ATP5PD: variants seen among roughly 807,000 people sequenced by gnomAD.
ATP5PD encodes ATP synthase peripheral stalk subunit d, also known as ATP synthase peripheral stalk subunit d, mitochondrial.
ATP5PD carries 13 observed loss-of-function variants against 22.6 expected under a neutral mutation model. The observed-to-expected ratio is 0.58, with a 90% CI of 0.37 to 0.91. The LOEUF (loss-of-function observed/expected upper bound fraction) is 0.91. Among genes scored for constraint, ATP5PD ranks in the 40% least tolerant of loss-of-function variants. The pLI, the probability that ATP5PD is intolerant of heterozygous loss-of-function variation, is 0.00. For missense variants in ATP5PD, 165 were observed against 188.0 expected (o/e 0.88, Z 0.72); for synonymous variants, 51 against 65.0 (o/e 0.79, Z 1.03).
At chr17:75,044,426 C>T (rs1218031368) in intron 1 of ATP5PD, among the ~76,000 whole-genome samples, 2 of 113,782 alleles carry the variant, frequency 1.8e-5, no homozygotes, top group Non-Finnish European at 3.1e-5. Context: ...AGGATGGTCT[C>T]GATCTCCTGA....
chr17:75,044,721 CAG>C (rs1284560271), intron 1 of ATP5PD, among the ~76,000 whole-genome samples: 2 of 152,092 alleles, frequency 1.3e-5, no homozygotes, highest in African/African-American at 4.8e-5. Flanking sequence ...AAAAAAAAGT[CAG>C]AATATAGGAA....
chr17:75,044,799 A>G (rs1361279974), intron 1 of ATP5PD, among the ~76,000 whole-genome samples: 2 of 152,246 alleles, frequency 1.3e-5, no homozygotes, highest in Admixed American at 1.3e-4. Flanking sequence ...AATCTCTATA[A>G]GCTTGGAGTG....
intron 4 of ATP5PD, 178 bp from the exon 5 acceptor site, chr17:75,039,449 A>C: frequency 1.7e-6 from 1 of 593,720 alleles, no homozygotes. Flanking sequence ...CTTAACACTC[A>C]CAGAGAAGCC....
intron 4 of ATP5PD, 116 bp from the exon 5 acceptor site, chr17:75,039,387 T>C (rs2144908463): frequency 1.1e-6 from 1 of 924,348 alleles, no homozygotes; most frequent in South Asian, 1.4e-5. Flanking sequence ...ATGGAGAAAC[T>C]GTGGTTACCC....
At chr17:75,041,944 C>A in intron 3 of ATP5PD, 1 of 437,608 alleles carries the variant, frequency 2.3e-6, no homozygotes, top group Non-Finnish European at 4.1e-6. Context: ...AACTCCTGTG[C>A]TGATCAGAAA....
chr17:75,040,339 T>C (rs1362110160), intron 3 of ATP5PD, 176 bp from the exon 4 acceptor site: 2 of 669,816 alleles, frequency 3.0e-6, no homozygotes, highest in Non-Finnish European at 2.6e-6. Flanking sequence ...AATACTGGAG[T>C]AGAAAGAATA....
chr17:75,046,635 T>G (rs918898784), intron 1 of ATP5PD, among the ~76,000 whole-genome samples: 6 of 152,220 alleles, frequency 3.9e-5, no homozygotes, highest in African/African-American at 1.4e-4. Flanking sequence ...ACCAAACTAT[T>G]GAAGTCTGCC....
At chr17:75,045,290 C>T (rs1469703133) in intron 1 of ATP5PD, among the ~76,000 whole-genome samples, 3 of 152,180 alleles carry the variant, frequency 2.0e-5, no homozygotes, top group Admixed American at 1.3e-4. Context: ...ATCACAAGAC[C>T]ACAGGACCAG....
chr17:75,040,279 G>A (rs1194895744), intron 3 of ATP5PD, 116 bp from the exon 4 acceptor site: 14 of 1,206,962 alleles, frequency 1.2e-5, no homozygotes, highest in Non-Finnish European at 1.5e-5. Flanking sequence ...ATCCTTAAAG[G>A]TCATACTGAA....
chr17:75,042,909 T>C (rs1479774862), intron 1 of ATP5PD, among the ~76,000 whole-genome samples: 1 of 151,990 alleles, frequency 6.6e-6, no homozygotes, highest in Non-Finnish European at 1.5e-5. Context: ...ACAGTGTAGC[T>C]TTTCAAATTC....
At position 75,039,265 on chromosome 17, in the gene ATP5PD, A is replaced by G; in HGVS notation, c.298T>C (p.Ser100Pro). The G allele has an allele frequency of 6.2e-7, 1 of 1,614,094 alleles. No homozygotes were observed. The highest frequency in any genetic ancestry group is 8.5e-7 in the Non-Finnish European group (1 of 1,180,016). The stretch of plus-strand genomic sequence containing the variant: ...GAGAGAGACACCCACTCAGCACAAG[A>G]TTTCACCTTTAAGAAGAAAGAGAAA... ...VDAEEKEDVK[S>P]CAEWVSLSKA... The change falls in exon 5 of 6, where the codon TCT (serine) becomes CCT (proline). Residue 100 changes from serine to proline, a missense_variant. Physicochemically the swap from Ser to Pro is moderately conservative, Grantham distance 74. Transcript: ENST00000301587.
intron 4 of ATP5PD, 61 bp from the exon 5 acceptor site, chr17:75,039,332 T>G: frequency 1.3e-6 from 2 of 1,502,776 alleles, no homozygotes; most frequent in Non-Finnish European, 1.8e-6. Flanking sequence ...CAGCAGCTGC[T>G]AAGGTAGGAG....
intron 1 of ATP5PD, among the ~76,000 whole-genome samples, chr17:75,044,639 G>T (rs1310012600): frequency 6.6e-6 from 1 of 152,138 alleles, no homozygotes; most frequent in Non-Finnish European, 1.5e-5. Flanking sequence ...ACCGCGCCCG[G>T]CCTGCATTTT....
At chr17:75,039,106 G>A (rs548865959) in intron 5 of ATP5PD, 43 bp from the exon 6 acceptor site, 25 of 1,612,232 alleles carry the variant, frequency 1.6e-5, no homozygotes, top group African/African-American at 2.7e-5. Flanking sequence ...AAACAGAGAC[G>A]GAAAGCAGAA....
At chr17:75,045,872 T>A (rs774335851) in intron 1 of ATP5PD, among the ~76,000 whole-genome samples, 4 of 152,164 alleles carry the variant, frequency 2.6e-5, no homozygotes, top group Non-Finnish European at 5.9e-5. Flanking sequence ...ACTGGGGAAG[T>A]GATAAGTGTC....
intron 3 of ATP5PD, chr17:75,041,870 C>T (rs567944651): frequency 1.7e-3 from 393 of 235,106 alleles, no homozygotes; most frequent in Non-Finnish European, 2.8e-3. Context: ...CTCCCAGGAG[C>T]GGGGGACCAC....
At chr17:75,046,665 C>A (rs1204912206) in intron 1 of ATP5PD, among the ~76,000 whole-genome samples, 1 of 152,226 alleles carries the variant, frequency 6.6e-6, no homozygotes, top group Admixed American at 6.5e-5. Flanking sequence ...GCGGACTGCA[C>A]GAGACACGGC....
rs2144913047 is a variant in ATP5PD, at chr17:75,042,265, T to C, written c.135A>G (p.Leu45=). 6.2e-7 allele frequency: 1 copy of C among 1,614,094 alleles called. No individual in the cohort carries two copies. The highest frequency in any genetic ancestry group is 8.5e-7 in the Non-Finnish European group (1 of 1,179,984). ...NETLTSRLAA[L]PENPPAIDWA... The stretch of plus-strand genomic sequence containing the variant: ...AGTCGATAGCTGGTGGATTCTCAGG[T>C]AAAGCAGCCAACCTGCCCACAAGGA... The change falls in exon 3 of 6, where the codon TTA becomes TTG. Residue 45 remains leucine, a synonymous_variant. Transcript: ENST00000301587.
rs183053657 is a variant in ATP5PD, at chr17:75,043,623, A to C, written c.-9-964T>G. ...TGAGACTCTGTCTCAAAAAAAAAAAAAAAAACAAACCCCAGCTCTCTTTAT... is the reference window on the plus strand; with the variant it reads ...TGAGACTCTGTCTCAAAAAAAAAAACAAAAACAAACCCCAGCTCTCTTTAT... On this transcript the variant is annotated intron_variant, in intron 1 of 5. Coordinates refer to ENST00000301587, the MANE Select transcript of ATP5PD (RefSeq NM_006356.3). Among the ~76,000 whole-genome samples the C allele has an allele frequency of 2.1e-3, 325 of 152,066 alleles. 6 individuals carry two copies. Among genetic ancestry groups the C allele is most frequent in the African/African-American group, 7.2e-3 (300 of 41,432 alleles).
Sources: allele counts gnomAD v4.1 joint callset (sites outside exome capture counted in the v4.1 genomes callset), GRCh38; gene constraint gnomAD v4.1.1; transcripts MANE v1.5; gene names NCBI Gene and HGNC (gene_info 2026-07-23, HGNC 2026-07-21).